Variants in SLC38A6 observed in about 807,000 individuals in gnomAD.
SLC38A6 encodes the protein N system amino acid transporter NAT-1.
In SLC38A6, 73 loss-of-function variants were observed where a neutral mutation model predicts 65.0. The observed-to-expected ratio is 1.12, with a 90% CI of 0.93 to 1.37. The LOEUF (loss-of-function observed/expected upper bound fraction) is 1.37, where lower values mean the gene tolerates loss of function less well. Ranked by LOEUF, SLC38A6 falls within the 40% of genes most tolerant of loss-of-function variation. The pLI is 0.00. For missense variants in SLC38A6, 561 were observed against 531.1 expected (o/e 1.06, Z -0.55); for synonymous variants, 183 against 178.8 (o/e 1.02, Z -0.19).
chr14:61,045,419 T>C lies in SLC38A6; in HGVS notation c.818T>C (p.Leu273Pro), dbSNP rs1157722668. The change falls in exon 11 of 16, where the codon CTT becomes CCT. Residue 273 changes from leucine (L) to proline (P), a missense_variant. Transcript: ENST00000267488. ...HTSILPIYCE[L>P]QSPSKKRMQN... is the part of the protein sequence containing the mutation. Reference sequence around the variant, plus strand: ...TCAATATTGCCCATATACTGTGAACTTCAAAGGTACTGTAGAATCCTGGAA... The same window carrying C: ...TCAATATTGCCCATATACTGTGAACCTCAAAGGTACTGTAGAATCCTGGAA... The C allele has an allele frequency of 3.1e-6, 5 of 1,607,710 alleles. No homozygotes were observed. The African/African-American group carries it at 6.7e-5, about 22-fold the overall frequency.
At chr14:61,051,547 T>A (rs1413072625) in intron 13 of SLC38A6, among the ~76,000 whole-genome samples, 1 of 152,158 alleles carries the variant, frequency 6.6e-6, no homozygotes, top group Non-Finnish European at 1.5e-5. Context: ...CTAAAAAAAT[T>A]GCATGTGAAA....
intron 15 of SLC38A6, among the ~76,000 whole-genome samples, chr14:61,062,236 A>G (rs990205640): frequency 6.6e-6 from 1 of 152,216 alleles, no homozygotes; most frequent in East Asian, 1.9e-4. Context: ...TTTATGAGAA[A>G]TTGCCAAACT....
At chr14:60,990,519 A>G (rs1157331320) in intron 3 of SLC38A6, among the ~76,000 whole-genome samples, 1 of 152,148 alleles carries the variant, frequency 6.6e-6, no homozygotes, top group African/African-American at 2.4e-5. Context: ...ATCTAAGTAA[A>G]TGGTAATGTC....
At chr14:61,060,779 G>A (rs1388920256) in intron 15 of SLC38A6, among the ~76,000 whole-genome samples, 3 of 57,374 alleles carry the variant, frequency 5.2e-5, no homozygotes, top group South Asian at 1.3e-3. Context: ...GCGAGATTCC[G>A]TGGGCGTAGG....
chr14:61,004,446 A>G (rs922196781), intron 3 of SLC38A6: 1 of 152,016 alleles, frequency 6.6e-6, no homozygotes, highest in African/African-American at 2.4e-5. Context: ...AGCTTTCTTA[A>G]GAAAGAACGG....
At chr14:60,981,527 C>T (rs1337382137) in intron 1 of SLC38A6, 145 bp downstream of exon 1, 2 of 1,532,456 alleles carry the variant, frequency 1.3e-6, no homozygotes, top group Non-Finnish European at 1.7e-6. Context: ...CTGAAGGCAG[C>T]CGCCGAGATT....
chr14:61,005,490 G>A (rs1595034897), intron 3 of SLC38A6, among the ~76,000 whole-genome samples: 1 of 150,208 alleles, frequency 6.7e-6, no homozygotes, highest in South Asian at 2.1e-4. Flanking sequence ...AAAGTCTCAG[G>A]ATACAAAATC....
At chr14:61,001,164 G>A (rs533273859) in intron 3 of SLC38A6, among the ~76,000 whole-genome samples, 12 of 152,248 alleles carry the variant, frequency 7.9e-5, no homozygotes, top group South Asian at 2.1e-4. Context: ...TGTCACAGCC[G>A]GGGATTGGGG....
rs774999892 is a variant in SLC38A6 at position 61,030,536 on chromosome 14, A to G, written c.482+13A>G. On this transcript the variant is annotated intron_variant, in intron 6 of 15. Coordinates refer to ENST00000267488, the MANE Select transcript of SLC38A6 (RefSeq NM_153811.3). ...GAGACTATAGTAGGTAAGAAAAAGTATTTTACATTGTGTCCGTTCATGTAT... is the reference window on the plus strand; with the variant it reads ...GAGACTATAGTAGGTAAGAAAAAGTGTTTTACATTGTGTCCGTTCATGTAT... 1 of 1,557,520 alleles carries G rather than the reference A, an allele frequency of 6.4e-7. No individual in the cohort carries two copies. The highest frequency in any genetic ancestry group is 8.8e-7 in the Non-Finnish European group (1 of 1,134,046).
Position 61,046,175 on chromosome 14 carries a change from C to G in SLC38A6, c.925+8C>G. The G allele has an allele frequency of 6.5e-7, 1 of 1,532,922 alleles. No homozygotes were observed. Among genetic ancestry groups the G allele is most frequent in the South Asian group, 1.1e-5 (1 of 87,530 alleles). 95.0% of individuals were successfully genotyped at this position (1,532,922 alleles called of 1,614,324 possible). A position where few individuals can be genotyped will look rare whatever the true frequency, so the allele number is the denominator to read the frequency against. On this transcript the variant is annotated splice_region_variant and intron_variant, in intron 12 of 15. Coordinates refer to ENST00000267488, the MANE Select transcript of SLC38A6 (RefSeq NM_153811.3). ...GGTACCTCACTTTTTATGGTAAGTA[C>G]ATTTTAAAATTATAGATGACAAAAT...
At chr14:61,038,897 G>C (rs543222300) in intron 8 of SLC38A6, among the ~76,000 whole-genome samples, 2 of 152,080 alleles carry the variant, frequency 1.3e-5, no homozygotes, top group Admixed American at 1.3e-4. Context: ...CATACACTTT[G>C]TAGGCTCCAT....
intron 5 of SLC38A6, among the ~76,000 whole-genome samples, chr14:61,025,157 C>T (rs539438809): frequency 2.6e-5 from 4 of 152,206 alleles, no homozygotes; most frequent in East Asian, 1.9e-4. Context: ...TCTATGGACT[C>T]GGGTAACCCC....
At chr14:61,011,166 A>G (rs532105146) in intron 3 of SLC38A6, among the ~76,000 whole-genome samples, 11 of 152,068 alleles carry the variant, frequency 7.2e-5, no homozygotes, top group Non-Finnish European at 1.5e-4. Flanking sequence ...TTCACTCATG[A>G]TTTGGCTCTC....
intron 4 of SLC38A6, among the ~76,000 whole-genome samples, chr14:61,018,324 T>A (rs1052290578): frequency 6.6e-6 from 1 of 152,192 alleles, no homozygotes; most frequent in East Asian, 1.9e-4. Flanking sequence ...GAACTAAGTT[T>A]TACATAGGCT....
chr14:61,040,743 A>G (rs2041749611), intron 8 of SLC38A6, among the ~76,000 whole-genome samples: 1 of 152,188 alleles, frequency 6.6e-6, no homozygotes, highest in Admixed American at 6.5e-5. Flanking sequence ...TGGCCTCCCA[A>G]AGTGCTGAGA....
At chr14:60,991,707 G>A (rs1181357931) in intron 3 of SLC38A6, among the ~76,000 whole-genome samples, 1 of 152,126 alleles carries the variant, frequency 6.6e-6, no homozygotes. Context: ...CCTCTTCTGT[G>A]AGGTCTTTTT....
intron 3 of SLC38A6, among the ~76,000 whole-genome samples, chr14:61,011,384 C>T (rs1233910964): frequency 6.6e-6 from 1 of 151,978 alleles, no homozygotes; most frequent in African/African-American, 2.4e-5. Flanking sequence ...CCTTCTCCTG[C>T]CTGATTGCCC....
intron 15 of SLC38A6, among the ~76,000 whole-genome samples, chr14:61,070,762 G>A (rs942673192): frequency 6.6e-6 from 1 of 152,176 alleles, no homozygotes; most frequent in Admixed American, 6.5e-5. Flanking sequence ...ACAGGTGTGA[G>A]GCAATATCTC....
chr14:61,015,595 G>T (rs1194753021), intron 3 of SLC38A6, among the ~76,000 whole-genome samples: 2 of 152,198 alleles, frequency 1.3e-5, no homozygotes, highest in African/African-American at 4.8e-5. Flanking sequence ...CTGAGAAAAA[G>T]ACATGTTTTA....
Sources: allele counts gnomAD v4.1 joint callset (sites outside exome capture counted in the v4.1 genomes callset), GRCh38; gene constraint gnomAD v4.1.1; transcripts MANE v1.5; gene names NCBI Gene and HGNC (gene_info 2026-07-23, HGNC 2026-07-21).